Variants in C8orf89 observed in about 807,000 individuals in gnomAD.
The protein encoded by C8orf89 is putative uncharacterized protein C8orf89.
A neutral mutation model predicts 15.8 loss-of-function variants in C8orf89; 14 were observed. The ratio of observed to expected loss-of-function variants is 0.89; its 90% CI spans 0.59 to 1.39. C8orf89 has a LOEUF of 1.39. C8orf89 is among the 40% of genes most tolerant of loss of function. C8orf89 has a pLI of 0.00. For synonymous variants in C8orf89, 55 were observed against 62.2 expected, an observed-to-expected ratio of 0.88 and a Z score of 0.54; for missense variants, 181 against 184.5, an observed-to-expected ratio of 0.98 and a Z score of 0.11.
At chr8:73,273,767 A>G in the C8orf89 span, among the ~76,000 whole-genome samples, 2 of 149,768 alleles carry the variant, frequency 1.3e-5, no homozygotes, top group African/African-American at 4.9e-5. Context: ...TTTTTTTCTG[A>G]AAGATACTTC....
At position 73,259,314 on chromosome 8, in the gene C8orf89, TAATAAC is replaced by T; in HGVS notation, c.127+12_127+17del. On this transcript the variant is annotated intron_variant, in intron 1 of 3. Transcript: ENST00000624510. ...TATTTCTATGTTTTCTTAAGGAAAA[TAATAAC>T]AATAAAGTTACCTTTCTTAATCTTT... The T allele has an allele frequency of 1.4e-6, 2 of 1,433,920 alleles. No individual in the cohort carries two copies. Among genetic ancestry groups the T allele is most frequent in the South Asian group, 1.4e-5 (1 of 73,528 alleles). 88.8% of individuals were successfully genotyped at this position (1,433,920 alleles called of 1,614,324 possible).
chr8:73,256,118 AAAAT>A (rs1378319693), intron 2 of C8orf89, among the ~76,000 whole-genome samples: 1 of 146,530 alleles, frequency 6.8e-6, no homozygotes, highest in Non-Finnish European at 1.5e-5. Context: ...ATAATAATAA[AAAAT>A]AAATAACAAA....
At chr8:73,270,796 T>C in the C8orf89 span, among the ~76,000 whole-genome samples, 2 of 152,106 alleles carry the variant, frequency 1.3e-5, no homozygotes, top group African/African-American at 2.4e-5. Context: ...ATAAGCAGCA[T>C]TCAGAAAAAT....
chr8:73,273,748 GTT>G, the C8orf89 span, among the ~76,000 whole-genome samples: 257 of 141,508 alleles, frequency 1.8e-3, 1 homozygote, highest in Non-Finnish European at 2.8e-3. Context: ...GGTGATGCCA[GTT>G]TTTTTTTTTT....
chr8:73,256,900 A>T, intron 2 of C8orf89, 73 bp downstream of exon 2: 1 of 1,112,714 alleles, frequency 9.0e-7, no homozygotes, highest in East Asian at 3.0e-5. Flanking sequence ...CACTGACCAG[A>T]AAAACCTCTA....
intron 2 of C8orf89, among the ~76,000 whole-genome samples, chr8:73,251,121 A>C (rs915046263): frequency 6.6e-6 from 1 of 152,162 alleles, no homozygotes; most frequent in South Asian, 2.1e-4. Context: ...TTTACACTTT[A>C]AAAGTCAGCA....
At chr8:73,247,983 C>T (rs1813163306) in intron 3 of C8orf89, among the ~76,000 whole-genome samples, 1 of 152,134 alleles carries the variant, frequency 6.6e-6, no homozygotes, top group Non-Finnish European at 1.5e-5. Flanking sequence ...TGCGGCATTG[C>T]TTTTGGCATC....
At chr8:73,261,591 A>G (rs1376791445), upstream of C8orf89, among the ~76,000 whole-genome samples, 2 of 152,214 alleles carry the variant, frequency 1.3e-5, no homozygotes, top group Non-Finnish European at 2.9e-5. Context: ...TATTTATTAC[A>G]AAGTGAGAAA....
chr8:73,270,015 G>A, the C8orf89 span, among the ~76,000 whole-genome samples: 2 of 152,078 alleles, frequency 1.3e-5, no homozygotes, highest in South Asian at 2.1e-4. Flanking sequence ...ATGTTAATGG[G>A]GAAAGTTGTT....
At chr8:73,245,149 A>G (rs1813097325) in intron 3 of C8orf89, among the ~76,000 whole-genome samples, 1 of 152,182 alleles carries the variant, frequency 6.6e-6, no homozygotes, top group Admixed American at 6.5e-5. Context: ...CTACCATGAG[A>G]ATGGTATGGG....
chr8:73,263,775 C>G (rs915504012), upstream of C8orf89, among the ~76,000 whole-genome samples: 1 of 152,080 alleles, frequency 6.6e-6, no homozygotes. Flanking sequence ...ATGAATGAAC[C>G]AAGTTTATTT....
chr8:73,260,933 C>T (rs143257441), upstream of C8orf89, among the ~76,000 whole-genome samples: 1 of 152,256 alleles, frequency 6.6e-6, no homozygotes, highest in East Asian at 1.9e-4. Flanking sequence ...AGCAGGCAAA[C>T]GTGGAAGGAC....
At chr8:73,249,352 G>C (rs917576948) in intron 3 of C8orf89, among the ~76,000 whole-genome samples, 6 of 152,114 alleles carry the variant, frequency 3.9e-5, no homozygotes, top group African/African-American at 9.7e-5. Context: ...TTACATCAAT[G>C]TTCATCAGGG....
chr8:73,283,592 T>C, the C8orf89 span, among the ~76,000 whole-genome samples: 1 of 152,210 alleles, frequency 6.6e-6, no homozygotes, highest in Non-Finnish European at 1.5e-5. Context: ...GAATAATAAA[T>C]ACAGATTTTG....
At chr8:73,249,240 T>C (rs900837545) in intron 3 of C8orf89, among the ~76,000 whole-genome samples, 2 of 152,244 alleles carry the variant, frequency 1.3e-5, no homozygotes, top group Non-Finnish European at 2.9e-5. Context: ...TTGGGTATGT[T>C]GAACCAACCT....
chr8:73,276,861 C>T, the C8orf89 span, among the ~76,000 whole-genome samples: 1 of 123,572 alleles, frequency 8.1e-6, no homozygotes, highest in Admixed American at 1.1e-4. Context: ...GGCTGGAGTG[C>T]AGTGGCGTGA....
intron 3 of C8orf89, among the ~76,000 whole-genome samples, chr8:73,248,475 A>C (rs1813175849): frequency 6.6e-6 from 1 of 152,198 alleles, no homozygotes; most frequent in Admixed American, 6.5e-5. Flanking sequence ...AGTTCTATGA[A>C]GAATGTCATT....
upstream of C8orf89, among the ~76,000 whole-genome samples, chr8:73,263,949 A>T (rs538958123): frequency 6.6e-6 from 1 of 152,330 alleles, no homozygotes; most frequent in South Asian, 2.1e-4. Context: ...CAACCAGTCC[A>T]TACATCACTT....
At chr8:73,251,549 A>G (rs528631209) in intron 2 of C8orf89, among the ~76,000 whole-genome samples, 86 of 152,254 alleles carry the variant, frequency 5.6e-4, no homozygotes, top group Non-Finnish European at 1.1e-3. Context: ...AACACTTGTC[A>G]TAACATGAAT....
Sources: gnomAD v4.1 joint callset for allele counts (sites outside exome capture counted in the v4.1 genomes callset) on GRCh38, gnomAD v4.1.1 for gene constraint, MANE v1.5 for transcripts, NCBI Gene and HGNC (gene_info 2026-07-23, HGNC 2026-07-21) for gene names.